ADGRB3: variants seen among roughly 807,000 people sequenced by gnomAD.
ADGRB3 encodes the protein adhesion G protein-coupled receptor B3.
A neutral mutation model predicts 193.4 loss-of-function variants in ADGRB3; 37 were observed. The observed-to-expected ratio is 0.19, with a 90% confidence interval of 0.15 to 0.25. The LOEUF is 0.25. Ranked by LOEUF, ADGRB3 falls within the 10% of genes least tolerant of loss-of-function variation. ADGRB3 has a pLI of 1.00. For missense variants in ADGRB3, 1,637 were observed against 1,852.9 expected (o/e 0.88, Z 2.14); for synonymous variants, 690 against 644.2 (o/e 1.07, Z -1.08).
At chr6:69,322,247 C>T (rs1768472517) in intron 20 of ADGRB3, among the ~76,000 whole-genome samples, 1 of 151,892 alleles carries the variant, frequency 6.6e-6, no homozygotes, top group Non-Finnish European at 1.5e-5. Flanking sequence ...TTTATTCAGT[C>T]TATCATTGTT....
chr6:68,991,861 A>G (rs1769247899), intron 10 of ADGRB3, among the ~76,000 whole-genome samples: 2 of 152,172 alleles, frequency 1.3e-5, no homozygotes, highest in East Asian at 1.9e-4. Flanking sequence ...CAGAGGAAAC[A>G]TGGTAAGCTG....
intron 3 of ADGRB3, among the ~76,000 whole-genome samples, chr6:68,730,176 A>G (rs1039433857): frequency 2.0e-5 from 3 of 151,684 alleles, no homozygotes; most frequent in African/African-American, 7.3e-5. Flanking sequence ...AGTTAAATGT[A>G]CAGTAAATTA....
chr6:69,290,220 T>C (rs1421306064), intron 20 of ADGRB3, among the ~76,000 whole-genome samples: 4 of 152,210 alleles, frequency 2.6e-5, no homozygotes, highest in East Asian at 1.9e-4. Context: ...TAACCGGCCA[T>C]TGAAATATAA....
intron 3 of ADGRB3, among the ~76,000 whole-genome samples, chr6:68,832,227 ATAT>A (rs1295700666): frequency 6.6e-6 from 1 of 152,190 alleles, no homozygotes; most frequent in Non-Finnish European, 1.5e-5. Flanking sequence ...TTATTAAATA[ATAT>A]TAAGATGTTT....
At chr6:68,957,852 C>G (rs552996184) in intron 8 of ADGRB3, among the ~76,000 whole-genome samples, 1 of 152,158 alleles carries the variant, frequency 6.6e-6, no homozygotes, top group Non-Finnish European at 1.5e-5. Context: ...AACAACAGAA[C>G]TGGATTTTAA....
At chr6:69,131,339 T>C (rs2150334141) in intron 17 of ADGRB3, among the ~76,000 whole-genome samples, 1 of 152,168 alleles carries the variant, frequency 6.6e-6, no homozygotes, top group Admixed American at 6.5e-5. Flanking sequence ...TACAAGTCCA[T>C]GGTATGTAAT....
chr6:69,339,065 G>A (rs757635647), intron 25 of ADGRB3, 51 bp downstream of exon 25: 19 of 1,576,126 alleles, frequency 1.2e-5, no homozygotes, highest in Non-Finnish European at 1.7e-5. Flanking sequence ...TACAGTGCAT[G>A]TGAGAAAATG....
chr6:69,235,122 G>T lies in ADGRB3; in HGVS notation c.2698G>T (p.Ala900Ser). The change falls in exon 19 of 32, where the codon GCA (alanine) becomes TCA (serine). Residue 900 changes from alanine to serine, a missense_variant. Physicochemically the swap from Ala to Ser is moderately conservative, Grantham distance 99. This residue lies in a region of ADGRB3 where 641 missense variants were observed against 673.9 expected (regional missense o/e 0.95). Coordinates refer to ENST00000370598, the MANE Select transcript of ADGRB3 (RefSeq NM_001704.3). ...LALITLAVVY[A>S]ALWRYIRSER... ...CTTGATTACCCTAGCAGTTGTCTATGCAGCATTATGGAGGTAAGTAATCAA... is the reference window on the plus strand; with the variant it reads ...CTTGATTACCCTAGCAGTTGTCTATTCAGCATTATGGAGGTAAGTAATCAA... The T allele has an allele frequency of 6.2e-7, 1 of 1,606,144 alleles. No homozygotes were observed. The highest frequency in any genetic ancestry group is 1.7e-5 in the Admixed American group (1 of 59,972).
At chr6:69,195,035 T>G (rs1561948755) in intron 17 of ADGRB3, among the ~76,000 whole-genome samples, 1 of 152,180 alleles carries the variant, frequency 6.6e-6, no homozygotes, top group Non-Finnish European at 1.5e-5. Context: ...TACTTTGGTC[T>G]TGCTATTTAT....
At chr6:69,285,658 G>A (rs1247984651) in intron 20 of ADGRB3, among the ~76,000 whole-genome samples, 3 of 152,032 alleles carry the variant, frequency 2.0e-5, no homozygotes, top group African/African-American at 4.8e-5. Context: ...GCAACAGAGC[G>A]AGACTCCATC....
intron 8 of ADGRB3, 59 bp downstream of exon 8, chr6:68,956,868 T>A (rs931157350): frequency 1.3e-6 from 2 of 1,565,086 alleles, no homozygotes; most frequent in African/African-American, 2.7e-5. Flanking sequence ...AAAAAAAAGA[T>A]TTAAAAATAT....
At chr6:68,769,033 G>A (rs1411303386) in intron 3 of ADGRB3, among the ~76,000 whole-genome samples, 1 of 152,150 alleles carries the variant, frequency 6.6e-6, no homozygotes, top group Non-Finnish European at 1.5e-5. Flanking sequence ...AAAAAGTCAG[G>A]AAACAAGAGA....
At chr6:69,377,979 A>G (rs1052307449) in intron 30 of ADGRB3, among the ~76,000 whole-genome samples, 1 of 152,088 alleles carries the variant, frequency 6.6e-6, no homozygotes, top group Non-Finnish European at 1.5e-5. Context: ...GAAGAAGAGG[A>G]CATTTATAAT....
In ADGRB3 at chr6:68,723,562, C is replaced by A. The variant is rs116803199; in HGVS notation, c.757+84130C>A. 3.1e-3 allele frequency among the ~76,000 whole-genome samples: 469 copies of A among 151,768 alleles called. 9 individuals are homozygous for A. Among genetic ancestry groups the A allele is most frequent in the African/African-American group, 8.4e-3 (347 of 41,464 alleles). On this transcript the variant is annotated intron_variant, in intron 3 of 31. Coordinates refer to ENST00000370598, the MANE Select transcript of ADGRB3 (RefSeq NM_001704.3). ...GTTAATTACATATAGAGAAGGAAGT[C>A]AAATGCTGTTGGTTCTGTAGGTTTT...
At chr6:69,310,832 T>C (rs967152883) in intron 20 of ADGRB3, among the ~76,000 whole-genome samples, 2 of 151,722 alleles carry the variant, frequency 1.3e-5, no homozygotes, top group Non-Finnish European at 3.0e-5. Flanking sequence ...AGAGTTTTTC[T>C]GGACTGAGCT....
chr6:69,195,560 T>G (rs182111032), intron 17 of ADGRB3, among the ~76,000 whole-genome samples: 1 of 151,292 alleles, frequency 6.6e-6, no homozygotes, highest in Non-Finnish European at 1.5e-5. Context: ...TGGAGTAATC[T>G]TCCTAGAGTA....
chr6:69,280,064 A>C (rs2127284900), intron 20 of ADGRB3, among the ~76,000 whole-genome samples: 1 of 152,312 alleles, frequency 6.6e-6, no homozygotes, highest in South Asian at 2.1e-4. Context: ...ATTCCTCAAA[A>C]GAGAGCTGAC....
intron 3 of ADGRB3, among the ~76,000 whole-genome samples, chr6:68,780,968 T>C (rs1766841364): frequency 6.6e-6 from 1 of 152,188 alleles, no homozygotes; most frequent in African/African-American, 2.4e-5. Flanking sequence ...AGCTGCTTTA[T>C]ATCTCAAGTC....
intron 3 of ADGRB3, among the ~76,000 whole-genome samples, chr6:68,695,053 G>A (rs190447247): frequency 4.2e-4 from 64 of 152,134 alleles, no homozygotes; most frequent in Admixed American, 4.0e-3. Flanking sequence ...GCTACATGTG[G>A]CAACTGAGCA....
Sources: gnomAD v4.1 joint callset for allele counts (sites outside exome capture counted in the v4.1 genomes callset) on GRCh38, gnomAD v4.1.1 for gene constraint, gnomAD v4.1.1 regional missense constraint, MANE v1.5 for transcripts, NCBI Gene and HGNC (gene_info 2026-07-23, HGNC 2026-07-21) for gene names.